HID1: variants seen among roughly 807,000 people sequenced by gnomAD.
HID1 encodes the protein protein HID1.
In HID1, 42 loss-of-function variants were observed where a neutral mutation model predicts 89.7. That is an observed-to-expected ratio of 0.47 (90% CI 0.37 to 0.61). HID1 has a LOEUF of 0.61. HID1 is among the 20% of genes least tolerant of loss of function. HID1 has a pLI of 0.00. For missense variants in HID1, 854 were observed against 1,039.3 expected (o/e 0.82, Z 2.45); for synonymous variants, 442 against 433.8 (o/e 1.02, Z -0.24).
At position 74,955,785 on chromosome 17, in the gene HID1, G is replaced by GCCTCACCATCAAACTGGTA. The variant is rs1339527671; in HGVS notation, c.1624_1636+6dup. The GCCTCACCATCAAACTGGTA allele has an allele frequency of 1.2e-6, 2 of 1,613,634 alleles. No individual in the cohort carries two copies. The highest frequency in any genetic ancestry group is 2.7e-5 in the African/African-American group (2 of 74,918). On this transcript the variant is annotated splice_region_variant and intron_variant, in intron 13 of 18. Transcript: ENST00000425042. ...CTGACCACCAGGGCCTCAGGCTGGT[G>GCCTCACCATCAAACTGGTA]CCTCACCATCAAACTGGTACTGGAT...
chr17:74,964,785 C>T (rs756371650), intron 1 of HID1, among the ~76,000 whole-genome samples, 153 bp from the exon 2 acceptor site: 13 of 152,198 alleles, frequency 8.5e-5, no homozygotes, highest in Admixed American at 5.9e-4. Context: ...GGGGGACATA[C>T]TTCAGCCACC....
chr17:74,952,264 C>A lies in HID1; in HGVS notation c.2144+5G>T, dbSNP rs2039314709. On this transcript the variant is annotated splice_donor_5th_base_variant and intron_variant, in intron 17 of 18. Coordinates refer to ENST00000425042, the MANE Select transcript of HID1 (RefSeq NM_030630.3). ...AACCCCCGGCCCTGCCGGCGCCCGA[C>A]TCACTTGTCAATGCAGATCTTCTCC... 1 of 1,612,476 alleles carries A rather than the reference C, an allele frequency of 6.2e-7. No homozygotes were observed.
chr17:74,957,516 A>C (rs2039407723), intron 12 of HID1, among the ~76,000 whole-genome samples: 1 of 151,870 alleles, frequency 6.6e-6, no homozygotes, highest in Non-Finnish European at 1.5e-5. Context: ...TAAATAAATA[A>C]ATAAAGTAAA....
chr17:74,954,645 C>A, intron 13 of HID1: 1 of 521,690 alleles, frequency 1.9e-6, no homozygotes. Flanking sequence ...AAACAGCTAA[C>A]ACCTGGCAAA....
In HID1 at chr17:74,953,024, C is replaced by T; in HGVS notation, c.2034G>A (p.Trp678Ter). The stretch of plus-strand genomic sequence containing the variant: ...TCCTCACCCACTCTGGCGTTGGGCT[C>T]CACTGCCCACTGGCTGATGAGGTGG... The part of the protein sequence containing the change: ...RPSTSSASGQ[W>*]SPTPEWVLSW... The change falls in exon 16 of 19, where the codon TGG becomes TGA. Residue 678 changes from tryptophan (W) to a stop codon, truncating the protein, a stop_gained. Coordinates refer to ENST00000425042, the MANE Select transcript of HID1 (RefSeq NM_030630.3). LOFTEE classifies it high-confidence loss of function. The T allele has an allele frequency of 6.2e-7, 1 of 1,608,232 alleles. No individual in the cohort carries two copies. The highest frequency in any genetic ancestry group is 8.5e-7 in the Non-Finnish European group (1 of 1,178,180).
At chr17:74,951,745 A>C (rs1598613017) in intron 18 of HID1, 112 bp from the exon 19 acceptor site, 1 of 1,363,178 alleles carries the variant, frequency 7.3e-7, no homozygotes. Context: ...CCGATGTCCC[A>C]CCCTGGGCAG....
At chr17:74,952,539 A>G (rs528195852) in intron 16 of HID1, among the ~76,000 whole-genome samples, 179 bp from the exon 17 acceptor site, 1 of 152,232 alleles carries the variant, frequency 6.6e-6, no homozygotes, top group African/African-American at 2.4e-5. Flanking sequence ...GGCAAGCGCC[A>G]TGGCCCCGCG....
chr17:74,953,095 C>T lies in HID1; in HGVS notation c.1972-9G>A, dbSNP rs372509933. 3.8e-6 allele frequency: 6 copies of T among 1,597,604 alleles called. No homozygotes were observed. The highest frequency in any genetic ancestry group is 4.3e-6 in the Non-Finnish European group (5 of 1,173,222). On this transcript the variant is annotated splice_polypyrimidine_tract_variant and intron_variant, in intron 15 of 18. Coordinates refer to ENST00000425042, the MANE Select transcript of HID1 (RefSeq NM_030630.3). ...CATGCCTGGCTGGGCTCCTGGCCCC[C>T]AGAAAGGAACAGGGGTGAGGGATGG...
chr17:74,961,632 G>T, intron 6 of HID1: 1 of 304,692 alleles, frequency 3.3e-6, no homozygotes, highest in Non-Finnish European at 6.0e-6. Flanking sequence ...TATTTCTACT[G>T]GACAGGCGGC....
Position 74,964,583 on chromosome 17 carries a change from G to A in HID1, c.116C>T (p.Thr39Ile). 2 of 1,612,454 alleles carry A rather than the reference G, an allele frequency of 1.2e-6. No homozygotes were observed. The highest frequency in any genetic ancestry group is 1.7e-6 in the Non-Finnish European group (2 of 1,179,482). ...AAACACATCCTGCACCGAGGTGGCTGTGTCTGCCCAGAACTGGTCCCAAAA... is the reference window on the plus strand; with the variant it reads ...AAACACATCCTGCACCGAGGTGGCTATGTCTGCCCAGAACTGGTCCCAAAA... ...DAFWDQFWAD[T>I]ATSVQDVFAL... The change falls in exon 2 of 19, where the codon ACA becomes ATA. Residue 39 changes from threonine (T) to isoleucine (I), a missense_variant. Transcript: ENST00000425042.
rs1001625698 is a variant in HID1, at chr17:74,963,887, T to A, written c.240A>T (p.Gly80=). 1 of 1,613,786 alleles carries A rather than the reference T, an allele frequency of 6.2e-7. No individual in the cohort carries two copies. Among genetic ancestry groups the A allele is most frequent in the East Asian group, 2.2e-5 (1 of 44,864 alleles). Residue 80 remains glycine (G), a synonymous_variant, in exon 3 of 19, where the codon GGA becomes GGT. Transcript: ENST00000425042. ...TCTCCGAGTGGCAGCCACTCTCAGC[T>A]CCCTGCACCAGCTTCTCAACGGCCT... ...CYKAVEKLVQ[G]AESGCHSEKE... is the part of the protein sequence containing the mutation.
chr17:74,956,164 C>T (rs1156482422), intron 12 of HID1, among the ~76,000 whole-genome samples: 3 of 152,148 alleles, frequency 2.0e-5, no homozygotes, highest in Admixed American at 6.5e-5. Context: ...CCTCACCCCT[C>T]GACCATGAAG....
At position 74,958,650 on chromosome 17, in the gene HID1, T is replaced by TGC; in HGVS notation, c.1240+22_1240+23insGC. On this transcript the variant is annotated intron_variant, in intron 10 of 18. Coordinates refer to ENST00000425042, the MANE Select transcript of HID1 (RefSeq NM_030630.3). The surrounding 1 kb of genome is among the most constrained non-coding windows in gnomAD (Gnocchi z 5.2). ...CTCGCCGCCAGGAAAGCCCCCAGCATCCCACCCCCACCCTGGTCTTACACT... is the reference window on the plus strand; with the variant it reads ...CTCGCCGCCAGGAAAGCCCCCAGCATGCCCCACCCCCACCCTGGTCTTACACT... 121 of 1,163,122 alleles carry TGC rather than the reference T, an allele frequency of 1.0e-4. No individual in the cohort carries two copies. Among genetic ancestry groups the TGC allele is most frequent in the Non-Finnish European group, 1.4e-4 (110 of 774,960 alleles). 72.1% of individuals were successfully genotyped at this position (1,163,122 alleles called of 1,614,324 possible).
Position 74,961,879 on chromosome 17 carries a change from T to G in HID1, c.722A>C (p.Glu241Ala). 1 of 1,566,510 alleles carries G rather than the reference T, an allele frequency of 6.4e-7. No homozygotes were observed. Among genetic ancestry groups the G allele is most frequent in the Non-Finnish European group, 8.7e-7 (1 of 1,154,656 alleles). The change falls in exon 6 of 19, where the codon GAG (glutamate) becomes GCG (alanine). Residue 241 changes from glutamate to alanine, a missense_variant. Transcript: ENST00000425042. The stretch of plus-strand genomic sequence containing the variant: ...AAGGCCAAGGGCCCTTCACCTGTTC[T>G]CCGTGGAACAAAAGAACTGAACCCA... ...NPWVQFFCST[E>A]NRHALPLFTS... is the part of the protein sequence containing the mutation.
chr17:74,970,792 G>T (rs1157140795), intron 1 of HID1: 1 of 152,478 alleles, frequency 6.6e-6, no homozygotes, highest in South Asian at 2.1e-4. Context: ...CAAGTGGTAA[G>T]GTCAGTGATG....
At position 74,961,013 on chromosome 17, in the gene HID1, G is replaced by A. The variant is rs531943952; in HGVS notation, c.729-765C>T. ...TGTGGGCTGGGCCTCCCTGCCCTTC[G>A]AGGTATTTGTCACACACTCCCCGAC... On this transcript the variant is annotated intron_variant, in intron 6 of 18. Transcript: ENST00000425042. Among the ~76,000 whole-genome samples the A allele has an allele frequency of 2.1e-4, 31 of 146,904 alleles. No individual in the cohort carries two copies. The East Asian group carries it at 4.1e-3, about 19-fold the overall frequency.
At chr17:74,953,710 C>T in intron 14 of HID1, 59 bp from the exon 15 acceptor site, 1 of 1,320,006 alleles carries the variant, frequency 7.6e-7, no homozygotes, top group Non-Finnish European at 1.1e-6. Context: ...TCTAGCCCTT[C>T]CTCCACCCAC....
At position 74,951,919 on chromosome 17, in the gene HID1, G is replaced by A. The variant is rs761911151; in HGVS notation, c.2289C>T (p.Gly763=). 23 of 1,532,122 alleles carry A rather than the reference G, an allele frequency of 1.5e-5. No individual in the cohort carries two copies. Among genetic ancestry groups the A allele is most frequent in the Non-Finnish European group, 1.8e-5 (21 of 1,137,528 alleles). 94.9% of individuals were successfully genotyped at this position (1,532,122 alleles called of 1,614,324 possible). ...TAMWFRTYMW[G]VIYLRNVDPP... is the part of the protein sequence containing the mutation. ...CCGGGGCCCACCTCAGATAGATGAC[G>A]CCCCACATGTAGGTGCGGAACCACA... Residue 763 remains glycine, a synonymous_variant, in exon 18 of 19, where the codon GGC becomes GGT. Coordinates refer to ENST00000425042, the MANE Select transcript of HID1 (RefSeq NM_030630.3).
At position 74,972,497 on chromosome 17, in the gene HID1, C is replaced by G. The variant is rs2039664602; in HGVS notation, c.66+94G>C. On this transcript the variant is annotated intron_variant, in intron 1 of 18. Transcript: ENST00000425042. This position sits in a 1 kb window ranked among gnomAD's most constrained non-coding sequence, Gnocchi z 6.4. ...GTTACGCTCGGGGCCCGCCCGTCCC[C>G]CCATCTCCCGACGAGCCAAGTTCGC... The G allele has an allele frequency of 8.4e-6, 10 of 1,194,548 alleles. No individual in the cohort carries two copies. The highest frequency in any genetic ancestry group is 2.3e-5 in the Admixed American group (1 of 42,880). 74.0% of individuals were successfully genotyped at this position (1,194,548 alleles called of 1,614,324 possible). A position where few individuals can be genotyped will look rare whatever the true frequency, so the allele number is the denominator to read the frequency against.
Sources: allele counts gnomAD v4.1 joint callset (sites outside exome capture counted in the v4.1 genomes callset), GRCh38; gene constraint gnomAD v4.1.1; non-coding constraint Gnocchi (gnomAD v3.1); transcripts MANE v1.5; gene names NCBI Gene and HGNC (gene_info 2026-07-23, HGNC 2026-07-21).